The following DHX57 variants were observed in gnomAD, a reference collection of about 807,000 sequenced individuals.
The protein encoded by DHX57 is putative ATP-dependent RNA helicase DHX57.
DHX57 carries 105 observed loss-of-function variants against 156.2 expected under a neutral mutation model. That is an observed-to-expected ratio of 0.67 (90% confidence interval 0.57 to 0.79). The LOEUF is 0.79. Among genes scored for constraint, DHX57 ranks in the 30% least tolerant of loss-of-function variants. DHX57 has a pLI of 0.00. For missense variants in DHX57, 1,847 were observed against 1,661.9 expected, an observed-to-expected ratio of 1.11 and a Z score of -1.94; for synonymous variants, 704 against 595.6, an observed-to-expected ratio of 1.18 and a Z score of -2.65.
intron 16 of DHX57, among the ~76,000 whole-genome samples, chr2:38,824,004 C>CT (rs1306483721): frequency 6.6e-6 from 1 of 150,546 alleles, no homozygotes; most frequent in Non-Finnish European, 1.5e-5. Context: ...GAGCAAGACT[C>CT]TGTTTCCACA....
intron 6 of DHX57, 105 bp from the exon 7 acceptor site, chr2:38,856,566 C>A (rs1487283998): frequency 7.3e-7 from 1 of 1,377,634 alleles, no homozygotes; most frequent in Non-Finnish European, 9.6e-7. Context: ...TGCAGTGGTG[C>A]GATCACGGCT....
chr2:38,860,336 C>G (rs903172010), intron 5 of DHX57, among the ~76,000 whole-genome samples: 1 of 152,170 alleles, frequency 6.6e-6, no homozygotes, highest in African/African-American at 2.4e-5. Context: ...GTAATCCCAG[C>G]TACTCAGGAG....
At chr2:38,813,752 T>C in intron 21 of DHX57, 69 bp downstream of exon 21, 15 of 1,544,488 alleles carry the variant, frequency 9.7e-6, no homozygotes, top group Non-Finnish European at 1.3e-5. Flanking sequence ...AATATGCACA[T>C]CTTAACTTAC....
intron 14 of DHX57, among the ~76,000 whole-genome samples, chr2:38,827,282 T>C (rs939762177): frequency 6.6e-6 from 1 of 151,354 alleles, no homozygotes; most frequent in Non-Finnish European, 1.5e-5. Context: ...GAGGAATAAA[T>C]AATTGATATT....
chr2:38,838,410 T>C (rs1671800759), intron 12 of DHX57, among the ~76,000 whole-genome samples: 3 of 152,102 alleles, frequency 2.0e-5, no homozygotes, highest in Admixed American at 6.6e-5. Flanking sequence ...TTTCTTTTAG[T>C]TTCCCAGAAA....
At chr2:38,837,258 T>C (rs1671726352) in intron 13 of DHX57, among the ~76,000 whole-genome samples, 1 of 152,092 alleles carries the variant, frequency 6.6e-6, no homozygotes, top group African/African-American at 2.4e-5. Context: ...CCAAAATAGT[T>C]TTACATAACA....
chr2:38,825,815 T>A (rs1267478833), intron 16 of DHX57, 32 bp downstream of exon 16: 1 of 1,609,776 alleles, frequency 6.2e-7, no homozygotes, highest in East Asian at 2.2e-5. Context: ...TTTAGACCTT[T>A]TGGAAGCAAA....
chr2:38,871,185 A>C (rs1665335190), intron 1 of DHX57, among the ~76,000 whole-genome samples: 1 of 152,254 alleles, frequency 6.6e-6, no homozygotes, highest in South Asian at 2.1e-4. Context: ...AACCAGTACA[A>C]AAGTATTGTC....
chr2:38,817,426 T>C (rs554301416), intron 19 of DHX57, among the ~76,000 whole-genome samples: 1 of 152,178 alleles, frequency 6.6e-6, no homozygotes, highest in African/African-American at 2.4e-5. Context: ...GCGATTCTCA[T>C]GCCTCAGCCT....
At chr2:38,872,493 C>A (rs558582589) in intron 1 of DHX57, among the ~76,000 whole-genome samples, 1 of 152,198 alleles carries the variant, frequency 6.6e-6, no homozygotes, top group Admixed American at 6.5e-5. Flanking sequence ...AGGAGAGGCA[C>A]TTTAAATTCA....
At position 38,843,198 on chromosome 2, in the gene DHX57, C is replaced by A. The variant is rs1259083461; in HGVS notation, c.2232G>T (p.Gln744His). The A allele has an allele frequency of 2.5e-6, 4 of 1,614,028 alleles. No individual in the cohort carries two copies. Among genetic ancestry groups the A allele is most frequent in the Non-Finnish European group, 3.4e-6 (4 of 1,179,970 alleles). ...DAIAVTRYVL[Q>H]DGSPYMRSMK... The stretch of plus-strand genomic sequence containing the variant: ...TGGACCGCATATATGGGCTCCCATC[C>A]TGTAATACATACCTGAGAAAGACAA... Residue 744 changes from glutamine to histidine, a missense_variant, in exon 12 of 24, where the codon CAG becomes CAT. Coordinates refer to ENST00000457308, the MANE Select transcript of DHX57 (RefSeq NM_198963.3).
intron 12 of DHX57, 35 bp from the exon 13 acceptor site, chr2:38,837,982 T>G (rs375905325): frequency 4.6e-6 from 6 of 1,304,942 alleles, no homozygotes; most frequent in Admixed American, 3.4e-5. Context: ...AGAAGGATAT[T>G]TATACCTTGT....
chr2:38,873,856 G>C (rs555474862), intron 1 of DHX57, among the ~76,000 whole-genome samples: 5 of 152,266 alleles, frequency 3.3e-5, no homozygotes, highest in Admixed American at 2.0e-4. Context: ...ATTTTAGATA[G>C]AGTGGTTGGG....
Position 38,843,126 on chromosome 2 carries a change from A to G in DHX57, c.2304T>C (p.Thr768=). 1 of 1,614,190 alleles carries G rather than the reference A, an allele frequency of 6.2e-7. No homozygotes were observed. The highest frequency in any genetic ancestry group is 8.5e-7 in the Non-Finnish European group (1 of 1,180,022). The change falls in exon 12 of 24, where the codon ACT becomes ACC. Residue 768 remains threonine, a synonymous_variant. Transcript: ENST00000457308. Reference sequence around the variant, plus strand: ...GGTCTTCTTCCACTTCTTCAAATGCAGTTCTGTTCCGCCTTGCTTTAAGCT... The same window carrying G: ...GGTCTTCTTCCACTTCTTCAAATGCGGTTCTGTTCCGCCTTGCTTTAAGCT... The part of the protein sequence containing the change: ...KEKLKARRNR[T]AFEEVEEDLR...
At position 38,858,842 on chromosome 2, in the gene DHX57, A is replaced by G. The variant is rs1673039532; in HGVS notation, c.1412-6T>C. The G allele has an allele frequency of 6.2e-7, 1 of 1,606,338 alleles. No homozygotes were observed. Among genetic ancestry groups the G allele is most frequent in the Admixed American group, 1.7e-5 (1 of 57,878 alleles). ...AGATTCTGATGCTTTTTCAACTTGAAGGAAATAAAAGAAAACATTTCAGTA... is the reference window on the plus strand; with the variant it reads ...AGATTCTGATGCTTTTTCAACTTGAGGGAAATAAAAGAAAACATTTCAGTA... On this transcript the variant is annotated splice_polypyrimidine_tract_variant and splice_region_variant and intron_variant, in intron 5 of 23. Coordinates refer to ENST00000457308, the MANE Select transcript of DHX57 (RefSeq NM_198963.3).
rs529689175 is a variant in DHX57, at chr2:38,828,058, G to A, written c.2639+282C>T. Among the ~76,000 whole-genome samples the A allele has an allele frequency of 3.3e-5, 5 of 152,196 alleles. 1 individual carries two copies. In the South Asian group the frequency reaches 1.0e-3, roughly 32 times the overall value. ...TTTAGTAGAGATGAGGTTTCTCCAC[G>A]TTGGTCAGGCTGGTCTCCAACTCCT... On this transcript the variant is annotated intron_variant, in intron 14 of 23. Coordinates refer to ENST00000457308, the MANE Select transcript of DHX57 (RefSeq NM_198963.3).
At chr2:38,818,202 C>T (rs574141146) in intron 19 of DHX57, among the ~76,000 whole-genome samples, 56 of 152,178 alleles carry the variant, frequency 3.7e-4, no homozygotes, top group South Asian at 1.0e-3. Flanking sequence ...ATTTTGTATA[C>T]AATTTCAGGG....
intron 21 of DHX57, among the ~76,000 whole-genome samples, chr2:38,809,309 G>C (rs1466749457): frequency 6.6e-6 from 1 of 151,654 alleles, no homozygotes; most frequent in Non-Finnish European, 1.5e-5. Flanking sequence ...TTTTTTTGTA[G>C]AGACAAGTTC....
intron 14 of DHX57, among the ~76,000 whole-genome samples, chr2:38,827,880 G>T (rs992531366): frequency 6.6e-6 from 1 of 151,946 alleles, no homozygotes; most frequent in Non-Finnish European, 1.5e-5. Flanking sequence ...TTTTGAAACG[G>T]AGTTTCACTC....
Sources: allele counts gnomAD v4.1 joint callset (sites outside exome capture counted in the v4.1 genomes callset), GRCh38; gene constraint gnomAD v4.1.1; transcripts MANE v1.5; gene names NCBI Gene and HGNC (gene_info 2026-07-23, HGNC 2026-07-21).